Variants in UBL3 observed in about 807,000 individuals in gnomAD.
UBL3 encodes ubiquitin like 3, also known as ubiquitin-like protein 3.
UBL3 carries 6 observed loss-of-function variants against 18.4 expected under a neutral mutation model. That is an observed-to-expected ratio of 0.33 (90% CI 0.18 to 0.64). UBL3 has a LOEUF of 0.64. Ranked by LOEUF, UBL3 falls within the 30% of genes least tolerant of loss-of-function variation. The probability of loss-of-function intolerance (pLI) is 0.76; values close to 1 mark genes in which losing one functional copy is unlikely to be tolerated. For synonymous variants in UBL3, 49 were observed against 46.6 expected, an observed-to-expected ratio of 1.05 and a Z score of -0.21; for missense variants, 109 against 142.9, an observed-to-expected ratio of 0.76 and a Z score of 1.21.
In UBL3 at chr13:29,770,337, T is replaced by C. The variant is rs192076967; in HGVS notation, c.223+1775A>G. ...CCAGGCCATGCTTCTACACTAGAGATAGTTTATTGTTTTTGAAAAGAAGGA... is the reference window on the plus strand; with the variant it reads ...CCAGGCCATGCTTCTACACTAGAGACAGTTTATTGTTTTTGAAAAGAAGGA... On this transcript the variant is annotated intron_variant, in intron 3 of 4. Coordinates refer to ENST00000380680, the MANE Select transcript of UBL3 (RefSeq NM_007106.4). 1.8e-3 allele frequency among the ~76,000 whole-genome samples: 280 copies of C among 152,164 alleles called. 1 individual carries two copies. Among genetic ancestry groups the C allele is most frequent in the African/African-American group, 6.4e-3 (264 of 41,550 alleles).
At chr13:29,772,401 A>C (rs1286654058) in intron 2 of UBL3, among the ~76,000 whole-genome samples, 3 of 152,120 alleles carry the variant, frequency 2.0e-5, no homozygotes, top group Admixed American at 6.6e-5. Flanking sequence ...AAGAGCTGCA[A>C]AAAGACTCGT....
intron 3 of UBL3, 37 bp from the exon 4 acceptor site, chr13:29,767,732 A>G: frequency 6.4e-7 from 1 of 1,561,816 alleles, no homozygotes; most frequent in South Asian, 1.1e-5. Context: ...TTACACATAT[A>G]TCGACCTATT....
intron 1 of UBL3, among the ~76,000 whole-genome samples, chr13:29,787,526 A>G (rs964093110): frequency 6.6e-6 from 1 of 152,150 alleles, no homozygotes; most frequent in Non-Finnish European, 1.5e-5. Context: ...AAATCCTGTA[A>G]GCTTACAGAA....
chr13:29,777,021 T>C lies in UBL3; in HGVS notation c.136+134A>G, dbSNP rs17073873. On this transcript the variant is annotated intron_variant, in intron 2 of 4. Coordinates refer to ENST00000380680, the MANE Select transcript of UBL3 (RefSeq NM_007106.4). Reference sequence around the variant, plus strand: ...AAGATAAGGAAGGGTACAATGATCCTCTAAATCTGAGCCTTATACTCTCAA... The same window carrying C: ...AAGATAAGGAAGGGTACAATGATCCCCTAAATCTGAGCCTTATACTCTCAA... 5.8e-3 allele frequency: 3,504 copies of C among 606,020 alleles called. 77 individuals are homozygous for C. The highest frequency in any genetic ancestry group is 0.054 in the African/African-American group (2,889 of 53,058). The allele number at this position is 606,020 out of a possible 1,614,324, so 37.5% of individuals were successfully genotyped here.
At chr13:29,810,511 C>T (rs1441684577) in intron 1 of UBL3, among the ~76,000 whole-genome samples, 1 of 152,012 alleles carries the variant, frequency 6.6e-6, no homozygotes, top group African/African-American at 2.4e-5. Flanking sequence ...GTTTAAAAGG[C>T]CAGATGCTGT....
intron 1 of UBL3, among the ~76,000 whole-genome samples, chr13:29,794,371 C>CAT (rs60318215): frequency 6.6e-6 from 1 of 151,758 alleles, no homozygotes; most frequent in Non-Finnish European, 1.5e-5. Flanking sequence ...CACACACACA[C>CAT]GCACCCCTAC....
At chr13:29,777,568 G>T (rs1270461603) in intron 1 of UBL3, 5 of 440,548 alleles carry the variant, frequency 1.1e-5, no homozygotes, top group Non-Finnish European at 2.2e-5. Context: ...TTGAACTTTT[G>T]CAAGTTATCA....
At chr13:29,843,164 T>C (rs935655412) in intron 1 of UBL3, among the ~76,000 whole-genome samples, 2 of 152,196 alleles carry the variant, frequency 1.3e-5, no homozygotes, top group African/African-American at 2.4e-5. Flanking sequence ...CCTACATTTT[T>C]TTGACTGAAG....
At chr13:29,842,869 T>C (rs988894336) in intron 1 of UBL3, among the ~76,000 whole-genome samples, 1 of 152,170 alleles carries the variant, frequency 6.6e-6, no homozygotes, top group Non-Finnish European at 1.5e-5. Flanking sequence ...TATGATCAAG[T>C]CCATGAAACA....
chr13:29,792,997 T>C (rs1877521191), intron 1 of UBL3, among the ~76,000 whole-genome samples: 1 of 152,192 alleles, frequency 6.6e-6, no homozygotes, highest in Non-Finnish European at 1.5e-5. Flanking sequence ...ATGTTTGTTT[T>C]AAAAAGCAGA....
rs189929921 is a variant in UBL3 at position 29,795,036 on chromosome 13, A to G, written c.28-17773T>C. ...ATTCTTATCTTGACACTCTTAAATG[A>G]TAAGACAGCAAACATTCATTTCAAA... is the stretch of plus-strand genomic sequence containing the variant. On this transcript the variant is annotated intron_variant, in intron 1 of 4. Transcript: ENST00000380680. Among the ~76,000 whole-genome samples, 290 of 152,356 alleles carry G rather than the reference A, an allele frequency of 1.9e-3. 1 individual carries two copies. The highest frequency in any genetic ancestry group is 6.6e-3 in the African/African-American group (274 of 41,586).
chr13:29,766,914 CTTGAT>C lies in UBL3; in HGVS notation c.*336_*340del, dbSNP rs967564420. On this transcript the variant is annotated 3_prime_UTR_variant, in exon 5 of 5. Coordinates refer to ENST00000380680, the MANE Select transcript of UBL3 (RefSeq NM_007106.4). Reference sequence around the variant, plus strand: ...TTTAATGCAAATTGTATTTGGAACACTTGATTTATTAGTTCTGATGATGAAAATTT... The same window carrying C: ...TTTAATGCAAATTGTATTTGGAACACTTATTAGTTCTGATGATGAAAATTT... The C allele has an allele frequency of 1.4e-4, 27 of 188,510 alleles. No homozygotes were observed. Among genetic ancestry groups the C allele is most frequent in the African/African-American group, 4.0e-4 (17 of 42,680 alleles). The allele number at this position is 188,510 out of a possible 1,614,324, so 11.7% of individuals were successfully genotyped here.
At chr13:29,797,262 A>C (rs1877638363) in intron 1 of UBL3, among the ~76,000 whole-genome samples, 1 of 152,172 alleles carries the variant, frequency 6.6e-6, no homozygotes, top group Admixed American at 6.5e-5. Context: ...ATTAAATGCT[A>C]GGTACTTTGC....
intron 1 of UBL3, among the ~76,000 whole-genome samples, chr13:29,788,596 TC>T (rs1300134813): frequency 6.6e-6 from 1 of 152,146 alleles, no homozygotes; most frequent in Non-Finnish European, 1.5e-5. Flanking sequence ...GAATAGCCTC[TC>T]CAGAAAAGCT....
chr13:29,776,731 TG>T (rs1273814204), intron 2 of UBL3, among the ~76,000 whole-genome samples: 1 of 151,382 alleles, frequency 6.6e-6, no homozygotes, highest in African/African-American at 2.4e-5. Flanking sequence ...ATTAGCTGGG[TG>T]TGGTGGCACG....
chr13:29,820,149 C>T (rs1222424754), intron 1 of UBL3, among the ~76,000 whole-genome samples: 1 of 148,106 alleles, frequency 6.8e-6, no homozygotes, highest in African/African-American at 2.5e-5. Flanking sequence ...TAGAATCCCA[C>T]TGAGAGGCCC....
rs1218935783 is a variant in UBL3, at chr13:29,835,113, T to A, written c.27+14399A>T. Among the ~76,000 whole-genome samples, 48 of 14,310 alleles carry A rather than the reference T, an allele frequency of 3.4e-3. 1 individual carries two copies. Among genetic ancestry groups the A allele is most frequent in the South Asian group, 0.016 (7 of 444 alleles). 9.4% of individuals were successfully genotyped at this position (14,310 alleles called of 152,430 possible). ...AAATATATATATATATATAAATATATATATATATATAAATATATATATATA... is the reference window on the plus strand; with the variant it reads ...AAATATATATATATATATAAATATAAATATATATATAAATATATATATATA... On this transcript the variant is annotated intron_variant, in intron 1 of 4. Transcript: ENST00000380680.
intron 3 of UBL3, among the ~76,000 whole-genome samples, chr13:29,770,741 T>A (rs896265468): frequency 5.9e-5 from 9 of 151,952 alleles, no homozygotes; most frequent in African/African-American, 1.9e-4. Context: ...CCTTAATGAA[T>A]GTACAATATA....
chr13:29,818,909 A>C (rs1191077665), intron 1 of UBL3, among the ~76,000 whole-genome samples: 2 of 152,202 alleles, frequency 1.3e-5, no homozygotes, highest in Non-Finnish European at 1.5e-5. Flanking sequence ...TACATGCTTT[A>C]TATCTGTGTG....
Sources: allele counts gnomAD v4.1 joint callset (sites outside exome capture counted in the v4.1 genomes callset), GRCh38; gene constraint gnomAD v4.1.1; transcripts MANE v1.5; gene names NCBI Gene and HGNC (gene_info 2026-07-23, HGNC 2026-07-21).